SIDT1: variants seen among roughly 807,000 people sequenced by gnomAD.
SIDT1 encodes SID1 transmembrane family, member 1.
Under a neutral mutation model 107.5 loss-of-function variants are expected in SIDT1, and 101 were observed. The observed-to-expected ratio is 0.94, with a 90% CI of 0.80 to 1.11. SIDT1 has a LOEUF of 1.11. Among genes scored for constraint, SIDT1 ranks in the 50% least tolerant of loss-of-function variants. The pLI is 0.00. For synonymous variants in SIDT1, 395 were observed against 398.2 expected (o/e 0.99, Z 0.10); for missense variants, 1,076 against 1,058.2 (o/e 1.02, Z -0.23).
At position 113,601,643 on chromosome 3, in the gene SIDT1, C is replaced by CA. The variant is rs1560104984; in HGVS notation, c.1103dup (p.Asn368LysfsTer7). ...TTGCTGCCAGCACACCCGAAGGGAG[C>CA]AATTATGGGACAATAGGTATGTCCT... On this transcript the variant is annotated frameshift_variant, in exon 11 of 25. Coordinates refer to ENST00000264852, the MANE Select transcript of SIDT1 (RefSeq NM_017699.3). LOFTEE classifies it high-confidence loss of function. 6.2e-7 allele frequency: 1 copy of CA among 1,612,686 alleles called. No individual in the cohort carries two copies. Among genetic ancestry groups the CA allele is most frequent in the African/African-American group, 1.3e-5 (1 of 75,002 alleles).
intron 1 of SIDT1, among the ~76,000 whole-genome samples, chr3:113,542,595 A>G (rs1254469451): frequency 6.6e-6 from 1 of 152,144 alleles, no homozygotes; most frequent in East Asian, 1.9e-4. Context: ...GTGACTTTGT[A>G]TGGAACATAA....
intron 1 of SIDT1, among the ~76,000 whole-genome samples, chr3:113,558,348 GT>G (rs1408222529): frequency 6.6e-6 from 1 of 152,178 alleles, no homozygotes; most frequent in African/African-American, 2.4e-5. Context: ...TTTGTTTCCT[GT>G]TTTTTCTCAC....
intron 1 of SIDT1, among the ~76,000 whole-genome samples, chr3:113,534,247 C>T (rs1937839826): frequency 6.6e-6 from 1 of 152,190 alleles, no homozygotes; most frequent in Non-Finnish European, 1.5e-5. Flanking sequence ...TGATATGCCT[C>T]CGTCTGATTC....
At chr3:113,585,053 A>T in intron 8 of SIDT1, 124 bp from the exon 9 acceptor site, 1 of 733,922 alleles carries the variant, frequency 1.4e-6, no homozygotes, top group South Asian at 1.7e-5. Flanking sequence ...TTTTGCTGTG[A>T]ACAAAAATTT....
intron 3 of SIDT1, among the ~76,000 whole-genome samples, chr3:113,573,504 G>A (rs918810655): frequency 6.6e-6 from 1 of 152,196 alleles, no homozygotes; most frequent in Non-Finnish European, 1.5e-5. Context: ...AGAGGTGTGG[G>A]AGAAATCCCT....
chr3:113,557,778 A>G (rs1198438377), intron 1 of SIDT1, among the ~76,000 whole-genome samples: 1 of 152,210 alleles, frequency 6.6e-6, no homozygotes, highest in African/African-American at 2.4e-5. Flanking sequence ...GTACCTTGTT[A>G]CGGCATCCTA....
chr3:113,598,009 A>G (rs144357657), intron 10 of SIDT1, among the ~76,000 whole-genome samples: 1,652 of 152,350 alleles, frequency 0.011, 17 homozygotes, highest in Middle Eastern at 0.027. Context: ...TGAAAAGAAT[A>G]CTGTTATCCC....
intron 4 of SIDT1, among the ~76,000 whole-genome samples, chr3:113,578,043 T>C (rs1296163763): frequency 6.6e-6 from 1 of 152,260 alleles, no homozygotes; most frequent in Non-Finnish European, 1.5e-5. Context: ...AACGCATGTA[T>C]ACTGCCACCC....
chr3:113,606,739 G>A (rs1461192390), intron 14 of SIDT1: 6 of 262,060 alleles, frequency 2.3e-5, no homozygotes, highest in African/African-American at 4.3e-5. Flanking sequence ...CCCAATGTTC[G>A]CATTCTTTCG....
intron 1 of SIDT1, among the ~76,000 whole-genome samples, chr3:113,539,079 T>G (rs1938514832): frequency 6.6e-6 from 1 of 152,176 alleles, no homozygotes; most frequent in Non-Finnish European, 1.5e-5. Context: ...GCTATTTGGT[T>G]ACCTTAAGCT....
chr3:113,609,094 G>C (rs1422055174), intron 17 of SIDT1, among the ~76,000 whole-genome samples: 1 of 125,086 alleles, frequency 8.0e-6, no homozygotes, highest in Non-Finnish European at 1.6e-5. Flanking sequence ...ACAGAATCTG[G>C]CTCTGTCGCC....
chr3:113,544,977 T>C (rs953645211), intron 1 of SIDT1, among the ~76,000 whole-genome samples: 1 of 151,948 alleles, frequency 6.6e-6, no homozygotes, highest in African/African-American at 2.4e-5. Flanking sequence ...TAGCTGGGCG[T>C]GGTGGCGTGC....
intron 5 of SIDT1, 55 bp from the exon 6 acceptor site, chr3:113,581,306 T>C (rs370877867): frequency 9.1e-5 from 126 of 1,378,310 alleles, no homozygotes; most frequent in Middle Eastern, 1.8e-4. Flanking sequence ...ATGTGTGGCA[T>C]GACATTGCAT....
At chr3:113,611,452 C>T (rs557277691) in intron 18 of SIDT1, among the ~76,000 whole-genome samples, 2 of 152,316 alleles carry the variant, frequency 1.3e-5, no homozygotes, top group East Asian at 1.9e-4. Flanking sequence ...CTGCCTCAGC[C>T]TCCTGAGTAG....
chr3:113,554,511 C>T lies in SIDT1; in HGVS notation c.223-11909C>T, dbSNP rs374978228. ...CAAGATCTAATGGCTTTATAAAGAGCAGTTCCCCTGTACACGCTCTCTTGC... is the reference window on the plus strand; with the variant it reads ...CAAGATCTAATGGCTTTATAAAGAGTAGTTCCCCTGTACACGCTCTCTTGC... On this transcript the variant is annotated intron_variant, in intron 1 of 24. Coordinates refer to ENST00000264852, the MANE Select transcript of SIDT1 (RefSeq NM_017699.3). Among the ~76,000 whole-genome samples, 17 of 152,260 alleles carry T rather than the reference C, an allele frequency of 1.1e-4. 1 individual carries two copies. The East Asian group carries it at 1.7e-3, about 16-fold the overall frequency.
intron 6 of SIDT1, among the ~76,000 whole-genome samples, chr3:113,582,719 T>A (rs9985452): frequency 0.29 from 43,532 of 151,942 alleles, 6,954 homozygotes; most frequent in East Asian, 0.59. Flanking sequence ...CTGGGCGACA[T>A]GAGCGAAACT....
chr3:113,535,174 G>A (rs1048414295), intron 1 of SIDT1, among the ~76,000 whole-genome samples: 5 of 152,112 alleles, frequency 3.3e-5, no homozygotes, highest in Admixed American at 1.3e-4. Flanking sequence ...CTTAGGAGGC[G>A]GAGGCAGGAG....
Position 113,550,106 on chromosome 3 carries a change from C to A in SIDT1, c.223-16314C>A, listed in dbSNP as rs185944071. Among the ~76,000 whole-genome samples, 904 of 152,314 alleles carry A rather than the reference C, an allele frequency of 5.9e-3. 6 individuals carry two copies. The highest frequency in any genetic ancestry group is 0.02 in the Middle Eastern group (6 of 294). On this transcript the variant is annotated intron_variant, in intron 1 of 24. Transcript: ENST00000264852. ...CACACCTGGTGCTCAGTGTTCTTAT[C>A]ACCATTCCCAACCTTCACTTCTGCT...
chr3:113,606,738 C>A (rs9866412), intron 14 of SIDT1: 242,343 of 253,248 alleles, frequency 0.96, 116,045 homozygotes, highest in East Asian at 1. Flanking sequence ...CCCCAATGTT[C>A]GCATTCTTTC....
Sources: allele counts gnomAD v4.1 joint callset (sites outside exome capture counted in the v4.1 genomes callset), GRCh38; gene constraint gnomAD v4.1.1; transcripts MANE v1.5; gene names NCBI Gene and HGNC (gene_info 2026-07-23, HGNC 2026-07-21).